Variants in CEP135 observed in about 807,000 individuals in gnomAD.
CEP135 encodes centrosomal protein 135, also known as centrosomal protein of 135 kDa.
In CEP135, 142 loss-of-function variants were observed where a neutral mutation model predicts 157.3. That is an observed-to-expected ratio of 0.90 (90% confidence interval 0.79 to 1.04). CEP135 has a LOEUF of 1.04. Among genes scored for constraint, CEP135 ranks in the 50% least tolerant of loss-of-function variants. The pLI is 0.00. For synonymous variants in CEP135, 396 were observed against 439.8 expected (o/e 0.90, Z 1.25); for missense variants, 1,317 against 1,309.2 (o/e 1.01, Z -0.09).
chr4:55,974,505 A>G (rs749736444), intron 10 of CEP135, among the ~76,000 whole-genome samples: 2 of 152,174 alleles, frequency 1.3e-5, no homozygotes, highest in Non-Finnish European at 2.9e-5. Flanking sequence ...ATCTTACGAT[A>G]AGACAAAAGC....
intron 17 of CEP135, 50 bp downstream of exon 17, chr4:55,999,695 T>C: frequency 6.5e-7 from 1 of 1,540,952 alleles, no homozygotes; most frequent in Non-Finnish European, 8.7e-7. Flanking sequence ...GAACAGTTTT[T>C]TTTGTTTTTG....
intron 8 of CEP135, among the ~76,000 whole-genome samples, chr4:55,968,527 A>G (rs1404013386): frequency 2.0e-5 from 3 of 152,134 alleles, no homozygotes; most frequent in Admixed American, 2.0e-4. Flanking sequence ...CAACACTCCT[A>G]TATCTCATCC....
intron 4 of CEP135, among the ~76,000 whole-genome samples, 199 bp downstream of exon 4, chr4:55,954,582 A>G (rs932163220): frequency 2.0e-5 from 3 of 152,194 alleles, no homozygotes; most frequent in African/African-American, 7.2e-5. Context: ...TTAGAAATGT[A>G]TGTAGTATTA....
intron 13 of CEP135, among the ~76,000 whole-genome samples, chr4:55,983,153 T>C (rs1358135778): frequency 6.6e-6 from 1 of 152,212 alleles, no homozygotes; most frequent in South Asian, 2.1e-4. Context: ...TAAAAATAAG[T>C]GTTAAAATTG....
intron 13 of CEP135, among the ~76,000 whole-genome samples, chr4:55,984,828 AT>A (rs1729523018): frequency 6.6e-6 from 1 of 152,190 alleles, no homozygotes; most frequent in East Asian, 1.9e-4. Context: ...CCAGCCCCTT[AT>A]TGAAACTCGC....
chr4:55,951,406 C>T (rs1052651883), intron 1 of CEP135, among the ~76,000 whole-genome samples: 3 of 152,162 alleles, frequency 2.0e-5, no homozygotes, highest in Non-Finnish European at 4.4e-5. Context: ...TTGCTATTGT[C>T]GGTCCTTGTA....
intron 21 of CEP135, among the ~76,000 whole-genome samples, chr4:56,016,870 C>T (rs188880429): frequency 2.6e-5 from 4 of 152,084 alleles, no homozygotes; most frequent in Non-Finnish European, 4.4e-5. Flanking sequence ...GACAGGTTCT[C>T]ACTATGTTTC....
chr4:56,007,182 C>T (rs549095831), intron 17 of CEP135, among the ~76,000 whole-genome samples: 23 of 152,216 alleles, frequency 1.5e-4, no homozygotes, highest in African/African-American at 5.5e-4. Flanking sequence ...GCCTGAACCA[C>T]CACACCCAGC....
intron 17 of CEP135, among the ~76,000 whole-genome samples, chr4:56,001,750 T>G (rs1325131004): frequency 8.9e-6 from 1 of 112,226 alleles, no homozygotes; most frequent in Non-Finnish European, 1.8e-5. Context: ...TGGTTCCAAT[T>G]TATTTGAGGA....
intron 21 of CEP135, among the ~76,000 whole-genome samples, chr4:56,016,038 C>A (rs1376835435): frequency 1.3e-5 from 2 of 152,146 alleles, no homozygotes; most frequent in Non-Finnish European, 2.9e-5. Context: ...AAGGCAGGCC[C>A]TAACCTAGTG....
At chr4:55,965,582 A>C (rs752196565) in intron 7 of CEP135, 62 bp from the exon 8 acceptor site, 18 of 1,069,276 alleles carry the variant, frequency 1.7e-5, no homozygotes, top group African/African-American at 8.1e-5. Context: ...TATTATTTGG[A>C]AAGTCAGTGT....
chr4:55,977,710 A>T (rs1560406662), intron 11 of CEP135, among the ~76,000 whole-genome samples: 3 of 152,188 alleles, frequency 2.0e-5, no homozygotes, highest in Non-Finnish European at 4.4e-5. Flanking sequence ...TCTTTTAGCA[A>T]TTTTGAAGTA....
chr4:56,017,388 A>C (rs1730811946), intron 21 of CEP135, among the ~76,000 whole-genome samples: 1 of 152,104 alleles, frequency 6.6e-6, no homozygotes, highest in South Asian at 2.1e-4. Context: ...TGATACAATA[A>C]CTTTCTTTTT....
chr4:56,000,189 C>CTAAA (rs901047825), intron 17 of CEP135, among the ~76,000 whole-genome samples: 4 of 151,852 alleles, frequency 2.6e-5, no homozygotes, highest in Non-Finnish European at 5.9e-5. Context: ...CACCCTGCCT[C>CTAAA]TAAATAAATA....
chr4:55,984,444 G>T (rs1298546790), intron 13 of CEP135, among the ~76,000 whole-genome samples: 5 of 152,092 alleles, frequency 3.3e-5, no homozygotes, highest in Non-Finnish European at 7.4e-5. Flanking sequence ...AATATTCATG[G>T]ATTTTATTTT....
chr4:55,973,735 C>T (rs1729100649), intron 10 of CEP135, among the ~76,000 whole-genome samples: 1 of 152,066 alleles, frequency 6.6e-6, no homozygotes, highest in African/African-American at 2.4e-5. Context: ...ATAGCATCAG[C>T]GTCTTGAAAG....
At chr4:56,030,356 T>C (rs1032632025) in intron 25 of CEP135, among the ~76,000 whole-genome samples, 7 of 152,254 alleles carry the variant, frequency 4.6e-5, no homozygotes, top group East Asian at 1.9e-4. Flanking sequence ...AGTTCTGTTA[T>C]AATCTTATGG....
chr4:55,979,776 C>G (rs937865707), intron 11 of CEP135, among the ~76,000 whole-genome samples: 1 of 152,160 alleles, frequency 6.6e-6, no homozygotes, highest in Non-Finnish European at 1.5e-5. Flanking sequence ...GCTTCAAACT[C>G]CAAAATTTGC....
At chr4:55,984,516 C>T (rs372735498) in intron 13 of CEP135, among the ~76,000 whole-genome samples, 151 of 152,290 alleles carry the variant, frequency 9.9e-4, no homozygotes, top group African/African-American at 3.5e-3. Context: ...TCAGAGACTT[C>T]ATCCGCTTTA....
Sources: gnomAD v4.1 joint callset for allele counts (sites outside exome capture counted in the v4.1 genomes callset) on GRCh38, gnomAD v4.1.1 for gene constraint, MANE v1.5 for transcripts, NCBI Gene and HGNC (gene_info 2026-07-23, HGNC 2026-07-21) for gene names.